EML6: variants seen among roughly 807,000 people sequenced by gnomAD.
EML6 encodes echinoderm microtubule-associated protein-like 6.
EML6 carries 154 observed loss-of-function variants against 240.1 expected under a neutral mutation model. That is an observed-to-expected ratio of 0.64 (90% CI 0.56 to 0.73). The LOEUF (loss-of-function observed/expected upper bound fraction) is 0.73. Among genes scored for constraint, EML6 ranks in the 30% least tolerant of loss-of-function variants. EML6 has a pLI of 0.00. For missense variants in EML6, 2,964 were observed against 2,474.6 expected, an observed-to-expected ratio of 1.20 and a Z score of -4.20; for synonymous variants, 1,148 against 899.0, an observed-to-expected ratio of 1.28 and a Z score of -4.95.
chr2:54,793,954 C>T (rs1161579854), intron 2 of EML6, among the ~76,000 whole-genome samples: 1 of 152,196 alleles, frequency 6.6e-6, no homozygotes, highest in Non-Finnish European at 1.5e-5. Context: ...GTTGATGGAA[C>T]AGTTGTTACT....
intron 7 of EML6, among the ~76,000 whole-genome samples, chr2:54,834,515 A>G (rs958207707): frequency 5.3e-5 from 8 of 152,226 alleles, no homozygotes; most frequent in African/African-American, 1.7e-4. Flanking sequence ...CTCAGTAAAC[A>G]TTTATTAAAC....
chr2:54,950,548 C>T, intron 29 of EML6, 102 bp from the exon 30 acceptor site: 1 of 1,332,780 alleles, frequency 7.5e-7, no homozygotes, highest in Non-Finnish European at 1.0e-6. Context: ...ACCAGCCATA[C>T]CGTTCCTGGG....
chr2:54,897,954 C>G (rs1672855860), intron 21 of EML6, among the ~76,000 whole-genome samples: 1 of 152,140 alleles, frequency 6.6e-6, no homozygotes, highest in Non-Finnish European at 1.5e-5. Context: ...ATGGGCTGTC[C>G]TGCCGGAAGA....
At chr2:54,922,282 TG>T (rs1674295648) in intron 26 of EML6, among the ~76,000 whole-genome samples, 1 of 152,142 alleles carries the variant, frequency 6.6e-6, no homozygotes, top group African/African-American at 2.4e-5. Flanking sequence ...GACATAGAAA[TG>T]GCCAACAGGT....
intron 11 of EML6, among the ~76,000 whole-genome samples, chr2:54,855,659 G>A (rs559014575): frequency 6.6e-6 from 1 of 152,270 alleles, no homozygotes; most frequent in East Asian, 1.9e-4. Context: ...ACAGTATGGT[G>A]AGAAGTAGCA....
chr2:54,734,878 T>C lies in EML6; in HGVS notation c.197+9620T>C, dbSNP rs570273852. Among the ~76,000 whole-genome samples the C allele has an allele frequency of 5.3e-5, 8 of 152,328 alleles. No individual in the cohort carries two copies. The South Asian group carries it at 1.0e-3, about 20-fold the overall frequency. Reference sequence around the variant, plus strand: ...TTTAAAACTTGCTTAAGGCTCCTTATTGCCTGCATGATGAGAGTCAAACTC... The same window carrying C: ...TTTAAAACTTGCTTAAGGCTCCTTACTGCCTGCATGATGAGAGTCAAACTC... On this transcript the variant is annotated intron_variant, in intron 2 of 41. Coordinates refer to ENST00000356458, the MANE Select transcript of EML6 (RefSeq NM_001039753.4).
intron 15 of EML6, among the ~76,000 whole-genome samples, chr2:54,870,741 T>G (rs1021245228): frequency 2.6e-5 from 4 of 152,184 alleles, no homozygotes; most frequent in African/African-American, 9.7e-5. Context: ...AATACTGTAT[T>G]TGATGGAAGG....
At chr2:54,806,611 CCAAA>C (rs1325565342) in intron 2 of EML6, among the ~76,000 whole-genome samples, 3 of 31,476 alleles carry the variant, frequency 9.5e-5, no homozygotes, top group African/African-American at 3.4e-4. Flanking sequence ...GACTCCGTCT[CCAAA>C]AAAAAAAAAA....
intron 23 of EML6, 46 bp downstream of exon 23, chr2:54,903,242 C>CA (rs1439374504): frequency 7.2e-6 from 11 of 1,528,494 alleles, no homozygotes; most frequent in Admixed American, 6.2e-5. Flanking sequence ...AGTCTTGGGA[C>CA]AAAAAATTAC....
intron 28 of EML6, among the ~76,000 whole-genome samples, chr2:54,929,809 A>G (rs1047748144): frequency 2.0e-5 from 3 of 152,314 alleles, no homozygotes; most frequent in African/African-American, 7.2e-5. Flanking sequence ...ATCTAATGCA[A>G]AAAAGCCCTA....
At chr2:54,805,101 T>G (rs977755497) in intron 2 of EML6, among the ~76,000 whole-genome samples, 1 of 152,218 alleles carries the variant, frequency 6.6e-6, no homozygotes, top group African/African-American at 2.4e-5. Context: ...GTTCTTTCAC[T>G]CAATGTAATA....
At chr2:54,942,514 G>C (rs1030016160) in intron 28 of EML6, among the ~76,000 whole-genome samples, 1 of 152,158 alleles carries the variant, frequency 6.6e-6, no homozygotes, top group Non-Finnish European at 1.5e-5. Flanking sequence ...TGTGGTAACC[G>C]AGGAGGCATT....
In EML6 at chr2:54,903,398, C is replaced by T. The variant is rs755466131; in HGVS notation, c.3305C>T (p.Ser1102Phe). 6.4e-7 allele frequency: 1 copy of T among 1,551,678 alleles called. No homozygotes were observed. The highest frequency in any genetic ancestry group is 8.7e-7 in the Non-Finnish European group (1 of 1,146,932). The change falls in exon 24 of 42, where the codon TCC (serine) becomes TTC (phenylalanine). Residue 1102 changes from serine (S) to phenylalanine (F), a missense_variant. By Grantham distance (155) the Ser-to-Phe change is radical (BLOSUM62 -2). Transcript: ENST00000356458. ...ACGGGAAAATACCTTGCCGTGGCATCCCATGATAACTTTGTGGATATTTAC... is the reference window on the plus strand; with the variant it reads ...ACGGGAAAATACCTTGCCGTGGCATTCCATGATAACTTTGTGGATATTTAC... ...KDTGKYLAVASHDNFVDIYNV... is the reference protein window; with the variant it reads ...KDTGKYLAVAFHDNFVDIYNV...
At chr2:54,871,452 G>GT in intron 15 of EML6, 48 bp from the exon 16 acceptor site, 1 of 1,394,410 alleles carries the variant, frequency 7.2e-7, no homozygotes. Flanking sequence ...CAAAATCATT[G>GT]TTAGTATAAC....
At chr2:54,889,168 C>A (rs1217808355) in intron 17 of EML6, among the ~76,000 whole-genome samples, 2 of 152,322 alleles carry the variant, frequency 1.3e-5, no homozygotes, top group South Asian at 2.1e-4. Flanking sequence ...AACTCATACA[C>A]AGGTACTATA....
At chr2:54,887,650 T>C (rs1171081126) in intron 17 of EML6, among the ~76,000 whole-genome samples, 1 of 152,248 alleles carries the variant, frequency 6.6e-6, no homozygotes, top group African/African-American at 2.4e-5. Context: ...TATATTTAAG[T>C]CTCTAAATAG....
At chr2:54,899,553 C>A in intron 21 of EML6, 88 bp from the exon 22 acceptor site, 1 of 1,343,672 alleles carries the variant, frequency 7.4e-7, no homozygotes, top group Non-Finnish European at 1.0e-6. Flanking sequence ...TTGTGGTACT[C>A]TTGGACTGAA....
At chr2:54,899,892 A>T (rs1417231095) in intron 22 of EML6, 110 bp downstream of exon 22, 5 of 1,049,026 alleles carry the variant, frequency 4.8e-6, no homozygotes, top group African/African-American at 1.6e-5. Context: ...ATGCCCATAA[A>T]TATGCTGGGC....
At chr2:54,862,195 C>T (rs1484141173) in intron 12 of EML6, among the ~76,000 whole-genome samples, 1 of 151,514 alleles carries the variant, frequency 6.6e-6, no homozygotes, top group Non-Finnish European at 1.5e-5. Context: ...AAAAATTAGC[C>T]AGGCAAGGTG....
Sources: gnomAD v4.1 joint callset for allele counts (sites outside exome capture counted in the v4.1 genomes callset) on GRCh38, gnomAD v4.1.1 for gene constraint, MANE v1.5 for transcripts, NCBI Gene and HGNC (gene_info 2026-07-23, HGNC 2026-07-21) for gene names.